AGPAT4: variants seen among roughly 807,000 people sequenced by gnomAD.
AGPAT4 encodes the protein 1-acyl-sn-glycerol-3-phosphate acyltransferase delta.
Under a neutral mutation model 48.0 loss-of-function variants are expected in AGPAT4, and 15 were observed. The observed-to-expected ratio is 0.31, with a 90% CI of 0.21 to 0.48. The LOEUF is 0.48. Ranked by LOEUF, AGPAT4 falls within the 20% of genes least tolerant of loss-of-function variation. The pLI is 0.99. For synonymous variants in AGPAT4, 178 were observed against 198.7 expected (o/e 0.90, Z 0.88); for missense variants, 314 against 482.5 (o/e 0.65, Z 3.27).
chr6:161,222,818 A>G lies in AGPAT4; in HGVS notation c.178+9218T>C, dbSNP rs778716062. 6.6e-6 allele frequency among the ~76,000 whole-genome samples: 1 copy of G among 152,038 alleles called. No individual in the cohort carries two copies. The highest frequency in any genetic ancestry group is 1.5e-5 in the Non-Finnish European group (1 of 68,008). ...GTGGATGCTTCCTCTGGCCTCATTC[A>G]TTTGCACGGTGGCCTCACGACACAG... On this transcript the variant is annotated intron_variant, in intron 2 of 8. Coordinates refer to ENST00000320285, the MANE Select transcript of AGPAT4 (RefSeq NM_020133.3). The surrounding 1 kb of genome is among the most constrained non-coding windows in gnomAD (Gnocchi z 5.9).
In AGPAT4 at chr6:161,178,292, C is replaced by G. The variant is rs1780480762; in HGVS notation, c.179-11875G>C. Among the ~76,000 whole-genome samples the G allele has an allele frequency of 6.6e-6, 1 of 152,134 alleles. No individual in the cohort carries two copies. The highest frequency in any genetic ancestry group is 2.1e-4 in the South Asian group (1 of 4,836). ...TGCGGTGGGCTCCACCCAATTCAAG[C>G]TTCCCAGCCACTTTGTTTACCTACT... On this transcript the variant is annotated intron_variant, in intron 2 of 8. Transcript: ENST00000320285. This position sits in a 1 kb window ranked among gnomAD's most constrained non-coding sequence, Gnocchi z 5.1.
Position 161,177,676 on chromosome 6 carries a change from C to T in AGPAT4, c.179-11259G>A, listed in dbSNP as rs1202752146. On this transcript the variant is annotated intron_variant, in intron 2 of 8. Coordinates refer to ENST00000320285, the MANE Select transcript of AGPAT4 (RefSeq NM_020133.3). The surrounding 1 kb of genome is among the most constrained non-coding windows in gnomAD (Gnocchi z 5.0). ...CATGTCAAAGTCATTCTCCGTCCAG[C>T]TTTCTTCCATTGCTGCGAGGAGCTG... Among the ~76,000 whole-genome samples, 1 of 152,206 alleles carries T rather than the reference C, an allele frequency of 6.6e-6. No individual in the cohort carries two copies. The highest frequency in any genetic ancestry group is 1.9e-4 in the East Asian group (1 of 5,190).
Position 161,139,401 on chromosome 6 carries a change from A to G in AGPAT4, c.1042+21T>C, listed in dbSNP as rs367630359. On this transcript the variant is annotated intron_variant, in intron 8 of 8. Coordinates refer to ENST00000320285, the MANE Select transcript of AGPAT4 (RefSeq NM_020133.3). The surrounding 1 kb of genome is among the most constrained non-coding windows in gnomAD (Gnocchi z 9.1). ...CAGGGTGGTGCTGTCAGCACCCACC[A>G]GCCCCTTGCCCTCCACTCACCCACA... The G allele has an allele frequency of 9.6e-5, 154 of 1,612,496 alleles. No homozygotes were observed. Among genetic ancestry groups the G allele is most frequent in the Non-Finnish European group, 1.3e-4 (148 of 1,178,988 alleles).
In AGPAT4 at chr6:161,159,353, T is replaced by A. The variant is rs968926187; in HGVS notation, c.349-5043A>T. ...CATTATGCAGGTGCCGAGAACTCAA[T>A]GCTGGTTATGATTACCTGTGGCCTT... On this transcript the variant is annotated intron_variant, in intron 3 of 8. Transcript: ENST00000320285. The surrounding 1 kb of genome is among the most constrained non-coding windows in gnomAD (Gnocchi z 4.1). Among the ~76,000 whole-genome samples, 2 of 152,162 alleles carry A rather than the reference T, an allele frequency of 1.3e-5. No individual in the cohort carries two copies. The highest frequency in any genetic ancestry group is 2.4e-5 in the African/African-American group (1 of 41,448).
Position 161,137,559 on chromosome 6 carries a change from CGTAACA to C in AGPAT4, c.1043-931_1043-926del, listed in dbSNP as rs545166322. ...CAAACTGGAGGGCTCCTGCATGGAG[CGTAACA>C]GTAACAGTGAGAGTGGAGTTATTGT... On this transcript the variant is annotated intron_variant, in intron 8 of 8. Transcript: ENST00000320285. This position sits in a 1 kb window ranked among gnomAD's most constrained non-coding sequence, Gnocchi z 6.1. Among the ~76,000 whole-genome samples, 330 of 152,220 alleles carry C rather than the reference CGTAACA, an allele frequency of 2.2e-3. 3 individuals carry two copies. Among genetic ancestry groups the C allele is most frequent in the African/African-American group, 7.1e-3 (296 of 41,536 alleles).
chr6:161,200,115 GAGGA>G lies in AGPAT4; in HGVS notation c.178+31917_178+31920del, dbSNP rs2115009190. On this transcript the variant is annotated intron_variant, in intron 2 of 8. Transcript: ENST00000320285. This position sits in a 1 kb window ranked among gnomAD's most constrained non-coding sequence, Gnocchi z 5.5. ...GCATTGCGACGAATGTGCACAGAAA[GAGGA>G]AGGAAGAAATGAGGACAGACAGCAA... Among the ~76,000 whole-genome samples the G allele has an allele frequency of 6.6e-6, 1 of 152,334 alleles. No homozygotes were observed. Among genetic ancestry groups the G allele is most frequent in the African/African-American group, 2.4e-5 (1 of 41,582 alleles).
At chr6:161,239,385 C>A (rs1782413683) in intron 1 of AGPAT4, among the ~76,000 whole-genome samples, 1 of 152,152 alleles carries the variant, frequency 6.6e-6, no homozygotes, top group Non-Finnish European at 1.5e-5. Flanking sequence ...ATTCAAAATT[C>A]TGAAACTATT....
At chr6:161,160,422 G>A (rs1380442930) in intron 3 of AGPAT4, 1 of 155,034 alleles carries the variant, frequency 6.5e-6, no homozygotes, top group Non-Finnish European at 1.4e-5. Flanking sequence ...CACAGCTGCA[G>A]GGGAAATGCA....
In AGPAT4 at chr6:161,144,388, G is replaced by C; in HGVS notation, c.843+2136C>G. 1 of 344,948 alleles carries C rather than the reference G, an allele frequency of 2.9e-6. No individual in the cohort carries two copies. 21.4% of individuals were successfully genotyped at this position (344,948 alleles called of 1,614,324 possible). A position where few individuals can be genotyped will look rare whatever the true frequency, so the allele number is the denominator to read the frequency against. The stretch of plus-strand genomic sequence containing the variant: ...CCTCATCAGTAGTGTAAGAGCTTTG[G>C]AGTAGATGATCACTTTGAGAACCCT... On this transcript the variant is annotated intron_variant, in intron 7 of 8. Transcript: ENST00000320285. This position sits in a 1 kb window ranked among gnomAD's most constrained non-coding sequence, Gnocchi z 6.6.
intron 2 of AGPAT4, among the ~76,000 whole-genome samples, chr6:161,181,120 C>G (rs949450052): frequency 3.9e-5 from 6 of 152,122 alleles, no homozygotes; most frequent in Admixed American, 2.6e-4. Flanking sequence ...AAACTACTAG[C>G]ACGGAATAAA....
intron 1 of AGPAT4, among the ~76,000 whole-genome samples, chr6:161,273,481 T>C (rs1368392851): frequency 1.3e-5 from 2 of 152,202 alleles, no homozygotes; most frequent in Admixed American, 6.5e-5. Flanking sequence ...TTGTGTAGTA[T>C]TTTTGTGGTT....
intron 1 of AGPAT4, among the ~76,000 whole-genome samples, chr6:161,248,352 A>C (rs1468026258): frequency 6.6e-6 from 1 of 152,126 alleles, no homozygotes; most frequent in African/African-American, 2.4e-5. Flanking sequence ...AGACGGGCGG[A>C]TCATGAGGTC....
At position 161,161,574 on chromosome 6, in the gene AGPAT4, G is replaced by T. The variant is rs944131895; in HGVS notation, c.348+4674C>A. 2.3e-6 allele frequency: 1 copy of T among 443,800 alleles called. No homozygotes were observed. Among genetic ancestry groups the T allele is most frequent in the Non-Finnish European group, 4.6e-6 (1 of 219,046 alleles). The allele number at this position is 443,800 out of a possible 1,614,324, so 27.5% of individuals were successfully genotyped here. A position where few individuals can be genotyped will look rare whatever the true frequency, so the allele number is the denominator to read the frequency against. Reference sequence around the variant, plus strand: ...GATGCCAGCAGTGAGCAGGGTGCAAGACCACCCTACAGAGCTGACAAAACC... The same window carrying T: ...GATGCCAGCAGTGAGCAGGGTGCAATACCACCCTACAGAGCTGACAAAACC... On this transcript the variant is annotated intron_variant, in intron 3 of 8. Coordinates refer to ENST00000320285, the MANE Select transcript of AGPAT4 (RefSeq NM_020133.3). This position sits in a 1 kb window ranked among gnomAD's most constrained non-coding sequence, Gnocchi z 4.6.
chr6:161,144,157 T>C lies in AGPAT4; in HGVS notation c.843+2367A>G, dbSNP rs1779339225. 3 of 533,324 alleles carry C rather than the reference T, an allele frequency of 5.6e-6. No individual in the cohort carries two copies. The highest frequency in any genetic ancestry group is 1.2e-5 in the Non-Finnish European group (3 of 259,944). The allele number at this position is 533,324 out of a possible 1,614,324, so 33.0% of individuals were successfully genotyped here. A position where few individuals can be genotyped will look rare whatever the true frequency, so the allele number is the denominator to read the frequency against. ...TTCACCACTCTGCTTGGAGAAACCATGCACCACTTCCACTTGCTGCTCAGC... is the reference window on the plus strand; with the variant it reads ...TTCACCACTCTGCTTGGAGAAACCACGCACCACTTCCACTTGCTGCTCAGC... On this transcript the variant is annotated intron_variant, in intron 7 of 8. Transcript: ENST00000320285. The surrounding 1 kb of genome is among the most constrained non-coding windows in gnomAD (Gnocchi z 6.6).
At chr6:161,194,444 T>TTGTGTGTGTG (rs34145722) in intron 2 of AGPAT4, among the ~76,000 whole-genome samples, 1 of 148,826 alleles carries the variant, frequency 6.7e-6, no homozygotes, top group African/African-American at 2.5e-5. Flanking sequence ...GTGTGTGTGT[T>TTGTGTGTGTG]TGTGTGTGTG....
In AGPAT4 at chr6:161,251,487, C is replaced by T. The variant is rs1336106116; in HGVS notation, c.-89-19185G>A. On this transcript the variant is annotated intron_variant, in intron 1 of 8. Transcript: ENST00000320285. The surrounding 1 kb of genome is among the most constrained non-coding windows in gnomAD (Gnocchi z 4.6). ...AGGAGGGCTCCACCAAGCTTGTGTG[C>T]CCCCAGCTCTTTCCTTGGCCTTGCT... 6.6e-6 allele frequency among the ~76,000 whole-genome samples: 1 copy of T among 152,212 alleles called. No individual in the cohort carries two copies. Among genetic ancestry groups the T allele is most frequent in the Non-Finnish European group, 1.5e-5 (1 of 68,040 alleles).
rs1042033589 is a variant in AGPAT4, at chr6:161,178,012, G to GGTGCC, written c.179-11596_179-11595insGGCAC. Among the ~76,000 whole-genome samples, 14 of 152,204 alleles carry GGTGCC rather than the reference G, an allele frequency of 9.2e-5. No homozygotes were observed. The highest frequency in any genetic ancestry group is 1.2e-4 in the Non-Finnish European group (8 of 68,044). ...TTGCTGCCTGATCCTTCCTCTGAAA[G>GGTGCC]CTTCGTCTCAGAGGGGCACCTGACT... On this transcript the variant is annotated intron_variant, in intron 2 of 8. Transcript: ENST00000320285. The surrounding 1 kb of genome is among the most constrained non-coding windows in gnomAD (Gnocchi z 5.1).
rs1783032106 is a variant in AGPAT4 at position 161,259,177 on chromosome 6, G to A, written c.-90+14761C>T. 6.6e-6 allele frequency among the ~76,000 whole-genome samples: 1 copy of A among 152,180 alleles called. No homozygotes were observed. The highest frequency in any genetic ancestry group is 2.1e-4 in the South Asian group (1 of 4,820). On this transcript the variant is annotated intron_variant, in intron 1 of 8. Transcript: ENST00000320285. This position sits in a 1 kb window ranked among gnomAD's most constrained non-coding sequence, Gnocchi z 4.9. ...TAATGTTATGATATACGTTTACACCGTGAAATGATTAAATGAAGCTCGCTA... is the reference window on the plus strand; with the variant it reads ...TAATGTTATGATATACGTTTACACCATGAAATGATTAAATGAAGCTCGCTA...
chr6:161,203,402 T>A (rs1184360832), intron 2 of AGPAT4, among the ~76,000 whole-genome samples: 2 of 149,484 alleles, frequency 1.3e-5, no homozygotes, highest in Admixed American at 1.3e-4. Flanking sequence ...TTTTTTTTTT[T>A]TTTGAGACAG....
Sources: allele counts gnomAD v4.1 joint callset (sites outside exome capture counted in the v4.1 genomes callset), GRCh38; gene constraint gnomAD v4.1.1; non-coding constraint Gnocchi (gnomAD v3.1); transcripts MANE v1.5; gene names NCBI Gene and HGNC (gene_info 2026-07-23, HGNC 2026-07-21).